The following AGAP1 variants were observed in gnomAD, a reference collection of about 807,000 sequenced individuals.
AGAP1 encodes the protein arf-GAP with GTPase, ANK repeat and PH domain-containing protein 1.
In AGAP1, 29 loss-of-function variants were observed where a neutral mutation model predicts 105.3. The ratio of observed to expected loss-of-function variants is 0.28; its 90% CI spans 0.21 to 0.38. AGAP1 has a LOEUF of 0.38. Ranked by LOEUF, AGAP1 falls within the 10% of genes least tolerant of loss-of-function variation. AGAP1 has a pLI of 1.00. For synonymous variants in AGAP1, 509 were observed against 485.9 expected, an observed-to-expected ratio of 1.05 and a Z score of -0.63; for missense variants, 998 against 1,165.1, an observed-to-expected ratio of 0.86 and a Z score of 2.09.
chr2:236,124,126 AC>A lies in AGAP1; in HGVS notation c.*5del. On this transcript the variant is annotated 3_prime_UTR_variant, in exon 18 of 18. Coordinates refer to ENST00000304032, the MANE Select transcript of AGAP1 (RefSeq NM_001037131.3). This position sits in a 1 kb window ranked among gnomAD's most constrained non-coding sequence, Gnocchi z 5.1. ...GAGGGTGCCCACCATCATCTGAGGAACAGCCGTGCCCGCCTGCTCGCCGCAC... is the reference window on the plus strand; with the variant it reads ...GAGGGTGCCCACCATCATCTGAGGAAAGCCGTGCCCGCCTGCTCGCCGCAC... The A allele has an allele frequency of 6.2e-7, 1 of 1,613,072 alleles. No homozygotes were observed. Among genetic ancestry groups the A allele is most frequent in the Non-Finnish European group, 8.5e-7 (1 of 1,179,660 alleles).
chr2:235,621,130 T>C lies in AGAP1; in HGVS notation c.164-88049T>C, dbSNP rs1946463730. 6.6e-6 allele frequency among the ~76,000 whole-genome samples: 1 copy of C among 152,184 alleles called. No individual in the cohort carries two copies. Among genetic ancestry groups the C allele is most frequent in the Non-Finnish European group, 1.5e-5 (1 of 68,028 alleles). On this transcript the variant is annotated intron_variant, in intron 1 of 17. Coordinates refer to ENST00000304032, the MANE Select transcript of AGAP1 (RefSeq NM_001037131.3). The surrounding 1 kb of genome is among the most constrained non-coding windows in gnomAD (Gnocchi z 4.1). ...TCCACCTCCTAGGTTCAAGCAATTC[T>C]CCTGCCTTGGCCTCCGGAGGAGCTG...
At chr2:236,111,544 G>C (rs529900341) in intron 16 of AGAP1, among the ~76,000 whole-genome samples, 44 of 151,856 alleles carry the variant, frequency 2.9e-4, no homozygotes, top group Admixed American at 7.9e-4. Context: ...CTCAACACTT[G>C]TAATCCCAGC....
Position 235,553,924 on chromosome 2 carries a change from G to A in AGAP1, c.163+59075G>A, listed in dbSNP as rs531581929. On this transcript the variant is annotated intron_variant, in intron 1 of 17. Coordinates refer to ENST00000304032, the MANE Select transcript of AGAP1 (RefSeq NM_001037131.3). The surrounding 1 kb of genome is among the most constrained non-coding windows in gnomAD (Gnocchi z 4.5). ...CGCCTCCCACCCCACCCCGTGGTGC[G>A]GCGTGTGCCAAGACCAGCCCTCTGA... is the stretch of plus-strand genomic sequence containing the variant. 3.9e-5 allele frequency among the ~76,000 whole-genome samples: 6 copies of A among 152,328 alleles called. No homozygotes were observed. The highest frequency in any genetic ancestry group is 6.5e-5 in the Admixed American group (1 of 15,304).
chr2:235,847,126 G>C (rs1961590718), intron 9 of AGAP1, among the ~76,000 whole-genome samples: 1 of 152,208 alleles, frequency 6.6e-6, no homozygotes, highest in Admixed American at 6.5e-5. Context: ...GAATATAGAG[G>C]CTTAAAGGTA....
At chr2:235,675,748 A>G (rs1948703294) in intron 1 of AGAP1, among the ~76,000 whole-genome samples, 1 of 152,212 alleles carries the variant, frequency 6.6e-6, no homozygotes, top group African/African-American at 2.4e-5. Flanking sequence ...AACGTCAGCC[A>G]GGGAACCTTC....
At position 235,861,081 on chromosome 2, in the gene AGAP1, T is replaced by A. The variant is rs930104683; in HGVS notation, c.1051-22264T>A. 5.9e-5 allele frequency among the ~76,000 whole-genome samples: 9 copies of A among 152,326 alleles called. No homozygotes were observed. In the South Asian group the frequency reaches 1.9e-3, roughly 32 times the overall value. On this transcript the variant is annotated intron_variant, in intron 9 of 17. Transcript: ENST00000304032. Reference sequence around the variant, plus strand: ...GAAATGGGGCATGAAATGCAATACTTTATATATAGTATGTACTGTGTGAGT... The same window carrying A: ...GAAATGGGGCATGAAATGCAATACTATATATATAGTATGTACTGTGTGAGT...
intron 1 of AGAP1, among the ~76,000 whole-genome samples, chr2:235,580,908 G>T (rs563521171): frequency 1.2e-4 from 19 of 152,244 alleles, no homozygotes; most frequent in African/African-American, 4.6e-4. Context: ...CCTGCTCCTT[G>T]TATGGTGAAT....
At chr2:235,738,662 A>G (rs886874398) in intron 3 of AGAP1, among the ~76,000 whole-genome samples, 7 of 151,670 alleles carry the variant, frequency 4.6e-5, no homozygotes, top group Non-Finnish European at 8.8e-5. Context: ...GGTTCAAGCA[A>G]TTCTCCTGTC....
At position 235,506,234 on chromosome 2, in the gene AGAP1, T is replaced by TTTTA. The variant is rs1473700353; in HGVS notation, c.163+11402_163+11405dup. The stretch of plus-strand genomic sequence containing the variant: ...GCATGAGCCACTGTGCCCGGCCCTG[T>TTTTA]TTTATTTATTTATTTATTTAGCTCG... On this transcript the variant is annotated intron_variant, in intron 1 of 17. Transcript: ENST00000304032. Among the ~76,000 whole-genome samples the TTTTA allele has an allele frequency of 8.2e-4, 124 of 152,036 alleles. 1 individual carries two copies. Among genetic ancestry groups the TTTTA allele is most frequent in the African/African-American group, 2.7e-3 (113 of 41,524 alleles).
chr2:236,026,147 G>C lies in AGAP1; in HGVS notation c.1646-10414G>C, dbSNP rs976801516. ...CACCTGCACCTGTGGGCCATGTCCT[G>C]ACAGGTCCCAGATAAGAGGGGAAGG... On this transcript the variant is annotated intron_variant, in intron 13 of 17. Transcript: ENST00000304032. 2.6e-5 allele frequency among the ~76,000 whole-genome samples: 4 copies of C among 152,228 alleles called. No individual in the cohort carries two copies. In the East Asian group the frequency reaches 7.7e-4, roughly 29 times the overall value.
intron 1 of AGAP1, among the ~76,000 whole-genome samples, chr2:235,699,515 C>T (rs1287719930): frequency 6.6e-6 from 1 of 152,160 alleles, no homozygotes; most frequent in Admixed American, 6.5e-5. Flanking sequence ...CCTGGATACT[C>T]CCTCCCTCTT....
Position 236,053,300 on chromosome 2 carries a change from G to A in AGAP1, c.2114+4019G>A, listed in dbSNP as rs757928196. Among the ~76,000 whole-genome samples, 4 of 152,230 alleles carry A rather than the reference G, an allele frequency of 2.6e-5. No homozygotes were observed. In the East Asian group the frequency reaches 5.8e-4, roughly 22 times the overall value. On this transcript the variant is annotated intron_variant, in intron 16 of 17. Transcript: ENST00000304032. This position sits in a 1 kb window ranked among gnomAD's most constrained non-coding sequence, Gnocchi z 4.6. ...AGTAAATGAGTGAAAGCGGGAACTC[G>A]TCATCATGGAACACATGTCAGGTGC...
At chr2:235,950,097 A>T (rs2053670370) in intron 12 of AGAP1, among the ~76,000 whole-genome samples, 1 of 152,114 alleles carries the variant, frequency 6.6e-6, no homozygotes, top group Non-Finnish European at 1.5e-5. Flanking sequence ...GCCATTTGGG[A>T]TGGGTGAAGG....
Position 236,036,862 on chromosome 2 carries a change from A to G in AGAP1, c.1800+147A>G. ...TTATGAGCAGAAAGCTCAATAACTAAAACGATCAGAAGCACTTTGTGTCTA... is the reference window on the plus strand; with the variant it reads ...TTATGAGCAGAAAGCTCAATAACTAGAACGATCAGAAGCACTTTGTGTCTA... On this transcript the variant is annotated intron_variant, in intron 14 of 17. Transcript: ENST00000304032. The surrounding 1 kb of genome is among the most constrained non-coding windows in gnomAD (Gnocchi z 5.7). The G allele has an allele frequency of 1.6e-6, 2 of 1,287,500 alleles. No homozygotes were observed. Among genetic ancestry groups the G allele is most frequent in the Non-Finnish European group, 2.1e-6 (2 of 959,466 alleles). The allele number at this position is 1,287,500 out of a possible 1,614,324, so 79.8% of individuals were successfully genotyped here.
At chr2:235,501,740 T>TA (rs1559204917) in intron 1 of AGAP1, among the ~76,000 whole-genome samples, 1 of 152,178 alleles carries the variant, frequency 6.6e-6, no homozygotes, top group African/African-American at 2.4e-5. Context: ...CGTTTCGTCT[T>TA]ATGTTTCTCT....
chr2:235,768,444 A>C (rs968510813), intron 6 of AGAP1, among the ~76,000 whole-genome samples: 1 of 152,260 alleles, frequency 6.6e-6, no homozygotes, highest in African/African-American at 2.4e-5. Context: ...TAGAGTAGTG[A>C]AAATTTGGCA....
intron 10 of AGAP1, among the ~76,000 whole-genome samples, chr2:235,897,767 C>A (rs1230606101): frequency 6.6e-6 from 1 of 152,086 alleles, no homozygotes; most frequent in Non-Finnish European, 1.5e-5. Flanking sequence ...GAGGAATGTT[C>A]TTTTACTTCT....
rs1313065937 is a variant in AGAP1 at position 235,659,279 on chromosome 2, G to A, written c.164-49900G>A. Among the ~76,000 whole-genome samples the A allele has an allele frequency of 1.3e-5, 2 of 152,094 alleles. No homozygotes were observed. The highest frequency in any genetic ancestry group is 2.9e-5 in the Non-Finnish European group (2 of 68,028). ...TATGTCTTTCTATGTCTGTAAAATC[G>A]GGATAATAATAGTACCTACCTCTCT... On this transcript the variant is annotated intron_variant, in intron 1 of 17. Coordinates refer to ENST00000304032, the MANE Select transcript of AGAP1 (RefSeq NM_001037131.3). The surrounding 1 kb of genome is among the most constrained non-coding windows in gnomAD (Gnocchi z 5.0).
At position 235,906,177 on chromosome 2, in the gene AGAP1, G is replaced by A. The variant is rs1195888385; in HGVS notation, c.1156-2561G>A. ...AATGAAATGGCCAGTCACCAGCCTC[G>A]GGTGGCCGGGCACCTCTGCTCCCGG... is the stretch of plus-strand genomic sequence containing the variant. On this transcript the variant is annotated intron_variant, in intron 10 of 17. Transcript: ENST00000304032. The surrounding 1 kb of genome is among the most constrained non-coding windows in gnomAD (Gnocchi z 5.3). Among the ~76,000 whole-genome samples, 6 of 152,238 alleles carry A rather than the reference G, an allele frequency of 3.9e-5. No homozygotes were observed. In the South Asian group the frequency reaches 6.2e-4, roughly 16 times the overall value.
Sources: gnomAD v4.1 joint callset for allele counts (sites outside exome capture counted in the v4.1 genomes callset) on GRCh38, gnomAD v4.1.1 for gene constraint, Gnocchi (gnomAD v3.1) non-coding constraint, MANE v1.5 for transcripts, NCBI Gene and HGNC (gene_info 2026-07-23, HGNC 2026-07-21) for gene names.